The following NTM variants were observed in gnomAD, a reference collection of about 807,000 sequenced individuals.
NTM encodes IgLON family member 2.
A neutral mutation model predicts 42.1 loss-of-function variants in NTM; 13 were observed. The observed-to-expected ratio is 0.31, with a 90% confidence interval of 0.20 to 0.49. The LOEUF (loss-of-function observed/expected upper bound fraction) is 0.49, where lower values mean the gene tolerates loss of function less well. Ranked by LOEUF, NTM falls within the 20% of genes least tolerant of loss-of-function variation. NTM has a pLI of 0.99. For synonymous variants in NTM, 187 were observed against 179.2 expected (o/e 1.04, Z -0.35); for missense variants, 373 against 452.8 (o/e 0.82, Z 1.60).
At chr11:131,769,644 G>A in intron 1 of NTM, 1 of 944,282 alleles carries the variant, frequency 1.1e-6, no homozygotes, top group Non-Finnish European at 1.3e-6. Flanking sequence ...CAGATAGCAT[G>A]AGCTCGCTTT....
At chr11:131,559,780 T>C (rs988517272) in intron 1 of NTM, among the ~76,000 whole-genome samples, 1 of 152,190 alleles carries the variant, frequency 6.6e-6, no homozygotes, top group Non-Finnish European at 1.5e-5. Context: ...ATCACACCTA[T>C]GACCCAAACA....
chr11:131,389,024 A>AAAAAAGAAAAAAAAAGAAAAGAAAAG (rs774146196), intron 1 of NTM, among the ~76,000 whole-genome samples: 1 of 89,904 alleles, frequency 1.1e-5, no homozygotes, highest in Non-Finnish European at 2.1e-5. Flanking sequence ...AAAAAAAAAA[A>AAAAAAGAAAAAAAAAGAAAAGAAAAG]AAAAGAAAAG....
intron 2 of NTM, among the ~76,000 whole-genome samples, chr11:132,145,483 G>A (rs2070183543): frequency 1.3e-5 from 2 of 152,216 alleles, no homozygotes; most frequent in African/African-American, 4.8e-5. Context: ...AAGACATGAT[G>A]AGGACTTGGC....
chr11:131,834,290 A>G (rs2043193180), intron 1 of NTM, among the ~76,000 whole-genome samples: 1 of 152,002 alleles, frequency 6.6e-6, no homozygotes, highest in Non-Finnish European at 1.5e-5. Flanking sequence ...TATTTTCCCA[A>G]TACCCACTCC....
chr11:131,598,731 C>G (rs1200836399), intron 1 of NTM, among the ~76,000 whole-genome samples: 1 of 91,968 alleles, frequency 1.1e-5, no homozygotes, highest in African/African-American at 3.9e-5. Flanking sequence ...TTCTTTCTTT[C>G]TTTCTTTCTT....
intron 1 of NTM, among the ~76,000 whole-genome samples, chr11:131,526,485 A>G (rs1206149919): frequency 6.6e-6 from 1 of 152,232 alleles, no homozygotes; most frequent in Non-Finnish European, 1.5e-5. Context: ...GAAAAGGAGT[A>G]AAGAAATCAT....
At chr11:132,012,445 A>G (rs1319540519) in intron 2 of NTM, among the ~76,000 whole-genome samples, 6 of 152,184 alleles carry the variant, frequency 3.9e-5, no homozygotes, top group Non-Finnish European at 8.8e-5. Flanking sequence ...AAATTAGCAC[A>G]GTCTGAAATA....
intron 1 of NTM, among the ~76,000 whole-genome samples, chr11:131,588,605 C>T (rs2059089718): frequency 6.6e-6 from 1 of 152,128 alleles, no homozygotes; most frequent in Admixed American, 6.5e-5. Context: ...CTTGAGTCTA[C>T]CTAGAACCAA....
intron 1 of NTM, among the ~76,000 whole-genome samples, chr11:131,654,875 T>C (rs945378472): frequency 6.6e-6 from 1 of 152,098 alleles, no homozygotes; most frequent in Non-Finnish European, 1.5e-5. Context: ...CAAATACACC[T>C]CTTTTCTTTA....
intron 2 of NTM, among the ~76,000 whole-genome samples, chr11:132,027,032 C>T (rs536051832): frequency 2.0e-5 from 3 of 152,326 alleles, no homozygotes; most frequent in Non-Finnish European, 4.4e-5. Flanking sequence ...GGGCATGAAA[C>T]TTACAAAAGA....
intron 1 of NTM, among the ~76,000 whole-genome samples, chr11:131,472,015 G>C (rs1308329806): frequency 6.6e-6 from 1 of 152,184 alleles, no homozygotes; most frequent in South Asian, 2.1e-4. Flanking sequence ...AAACCAAGAC[G>C]TTTCAATTAA....
intron 1 of NTM, among the ~76,000 whole-genome samples, chr11:131,656,934 G>A (rs533477208): frequency 7.9e-5 from 12 of 152,112 alleles, no homozygotes; most frequent in African/African-American, 2.4e-4. Context: ...TCTGTGCTCC[G>A]TGAGCCACCG....
intron 3 of NTM, among the ~76,000 whole-genome samples, chr11:132,176,649 A>T (rs1267673156): frequency 4.1e-5 from 6 of 147,640 alleles, no homozygotes; most frequent in Non-Finnish European, 5.9e-5. Flanking sequence ...TTATATTCAT[A>T]TATTTCTTAG....
intron 5 of NTM, among the ~76,000 whole-genome samples, chr11:132,308,330 C>T (rs552355534): frequency 1.3e-4 from 20 of 152,162 alleles, no homozygotes; most frequent in South Asian, 4.1e-4. Context: ...CAAATAGTTA[C>T]GATATAGATC....
At chr11:131,923,801 G>A (rs554702981) in intron 2 of NTM, among the ~76,000 whole-genome samples, 4 of 152,168 alleles carry the variant, frequency 2.6e-5, no homozygotes, top group African/African-American at 4.8e-5. Flanking sequence ...GTACCTTAGC[G>A]CTCTAGAGGA....
intron 1 of NTM, among the ~76,000 whole-genome samples, chr11:131,842,870 G>A (rs1445816573): frequency 4.6e-5 from 7 of 152,018 alleles, no homozygotes; most frequent in Admixed American, 3.9e-4. Flanking sequence ...ATTTAGTCGG[G>A]CGTGGTGCCG....
intron 3 of NTM, among the ~76,000 whole-genome samples, chr11:132,160,249 A>T (rs2074007037): frequency 1.3e-5 from 2 of 152,118 alleles, no homozygotes; most frequent in South Asian, 4.2e-4. Flanking sequence ...TGGCAAATGA[A>T]TTTTTCGTGC....
At chr11:131,900,268 A>G (rs183309610) in intron 1 of NTM, among the ~76,000 whole-genome samples, 3 of 152,366 alleles carry the variant, frequency 2.0e-5, no homozygotes, top group East Asian at 1.9e-4. Context: ...GTGTAATACA[A>G]TAAAACAAAA....
At chr11:132,160,691 G>C (rs1440972496) in intron 3 of NTM, among the ~76,000 whole-genome samples, 2 of 152,228 alleles carry the variant, frequency 1.3e-5, no homozygotes, top group Admixed American at 6.5e-5. Context: ...GCAGCCAGGG[G>C]AGGCCCCTGA....
Sources: allele counts gnomAD v4.1 joint callset (sites outside exome capture counted in the v4.1 genomes callset), GRCh38; gene constraint gnomAD v4.1.1; transcripts MANE v1.5; gene names NCBI Gene and HGNC (gene_info 2026-07-23, HGNC 2026-07-21).